The following PLCB4 variants were observed in gnomAD, a reference collection of about 807,000 sequenced individuals.
The protein encoded by PLCB4 is 1-phosphatidylinositol 4,5-bisphosphate phosphodiesterase beta-4.
A neutral mutation model predicts 178.8 loss-of-function variants in PLCB4; 77 were observed. The ratio of observed to expected loss-of-function variants is 0.43; its 90% CI spans 0.36 to 0.52. The LOEUF (loss-of-function observed/expected upper bound fraction) is 0.52, where lower values mean the gene tolerates loss of function less well. PLCB4 is among the 20% of genes least tolerant of loss of function. The pLI is 0.00. For synonymous variants in PLCB4, 496 were observed against 490.8 expected (o/e 1.01, Z -0.14); for missense variants, 1,024 against 1,453.4 (o/e 0.70, Z 4.80).
intron 2 of PLCB4, among the ~76,000 whole-genome samples, chr20:9,101,837 G>A (rs2091165914): frequency 6.7e-6 from 1 of 148,792 alleles, no homozygotes; most frequent in Non-Finnish European, 1.5e-5. Flanking sequence ...TGCCAGTTTT[G>A]TAAATCAGCT....
At chr20:9,106,791 T>C (rs967151507) in intron 2 of PLCB4, among the ~76,000 whole-genome samples, 4 of 152,106 alleles carry the variant, frequency 2.6e-5, no homozygotes, top group Non-Finnish European at 2.9e-5. Context: ...ATTTTAAATG[T>C]GCAAACCCTT....
intron 2 of PLCB4, among the ~76,000 whole-genome samples, chr20:9,100,134 A>G (rs2091085387): frequency 2.0e-5 from 3 of 152,256 alleles, no homozygotes; most frequent in South Asian, 4.2e-4. Flanking sequence ...TAGAGAGGCA[A>G]TGGTTTGGAA....
chr20:9,389,908 A>C lies in PLCB4; in HGVS notation c.1188A>C (p.Ala396=). Reference sequence around the variant, plus strand: ...TAATTCAAGCCATCAAGGAAACTGCATTTGTCACATCAGAATATCCTGTAA... The same window carrying C: ...TAATTCAAGCCATCAAGGAAACTGCCTTTGTCACATCAGAATATCCTGTAA... ...KDVIQAIKET[A]FVTSEYPVIL... is the part of the protein sequence containing the mutation. The change falls in exon 16 of 40, where the codon GCA becomes GCC. Residue 396 remains alanine, a synonymous_variant. Transcript: ENST00000378473. 6.3e-7 allele frequency: 1 copy of C among 1,586,596 alleles called. No homozygotes were observed. The highest frequency in any genetic ancestry group is 8.6e-7 in the Non-Finnish European group (1 of 1,157,848).
chr20:9,194,121 G>A (rs2093439175), intron 2 of PLCB4, among the ~76,000 whole-genome samples: 2 of 152,024 alleles, frequency 1.3e-5, no homozygotes, highest in Non-Finnish European at 2.9e-5. Context: ...GCCTTGAGTA[G>A]GATAGTGAAA....
intron 4 of PLCB4, among the ~76,000 whole-genome samples, chr20:9,309,057 T>A (rs569119028): frequency 6.6e-6 from 1 of 152,148 alleles, no homozygotes; most frequent in Non-Finnish European, 1.5e-5. Flanking sequence ...AGTAATATTT[T>A]TAAAATATAA....
At chr20:9,150,528 C>A (rs1017017778) in intron 2 of PLCB4, among the ~76,000 whole-genome samples, 2 of 152,136 alleles carry the variant, frequency 1.3e-5, no homozygotes, top group African/African-American at 2.4e-5. Flanking sequence ...TATTTAGCAT[C>A]AAATTTGGTA....
intron 35 of PLCB4, among the ~76,000 whole-genome samples, chr20:9,466,341 A>T (rs1456926272): frequency 2.0e-5 from 3 of 152,226 alleles, no homozygotes; most frequent in African/African-American, 7.2e-5. Flanking sequence ...CCTAGAAGAA[A>T]ACCTAGGCAA....
chr20:9,250,370 C>T (rs1294354539), intron 3 of PLCB4, among the ~76,000 whole-genome samples: 1 of 152,218 alleles, frequency 6.6e-6, no homozygotes, highest in African/African-American at 2.4e-5. Context: ...CACTTCTAAA[C>T]ACATGCAGCT....
At chr20:9,442,037 G>A (rs2042140652) in intron 30 of PLCB4, among the ~76,000 whole-genome samples, 1 of 152,132 alleles carries the variant, frequency 6.6e-6, no homozygotes, top group African/African-American at 2.4e-5. Flanking sequence ...AAAACTTTAT[G>A]TAGTGAAACT....
At chr20:9,218,373 G>A (rs2093757262) in intron 3 of PLCB4, among the ~76,000 whole-genome samples, 1 of 152,082 alleles carries the variant, frequency 6.6e-6, no homozygotes, top group African/African-American at 2.4e-5. Context: ...CCAAAGTGCT[G>A]GAATTACAGG....
intron 14 of PLCB4, among the ~76,000 whole-genome samples, chr20:9,385,356 C>A (rs56055815): frequency 0.057 from 8,725 of 152,108 alleles, 273 homozygotes; most frequent in Middle Eastern, 0.068. Flanking sequence ...CCAGATGGGG[C>A]GGCCTGGCAG....
intron 38 of PLCB4, among the ~76,000 whole-genome samples, chr20:9,474,502 AATTTAG>A (rs2122697485): frequency 6.6e-6 from 1 of 152,284 alleles, no homozygotes; most frequent in South Asian, 2.1e-4. Context: ...TAGGTAATTC[AATTTAG>A]AAACGGAGAG....
At chr20:9,260,959 C>A (rs2094291233) in intron 3 of PLCB4, among the ~76,000 whole-genome samples, 1 of 152,076 alleles carries the variant, frequency 6.6e-6, no homozygotes, top group Admixed American at 6.5e-5. Flanking sequence ...AGTATTAAAG[C>A]CATTATTTTT....
Position 9,478,979 on chromosome 20 carries a change from C to T in PLCB4, c.3591C>T (p.Asn1197=), listed in dbSNP as rs1176712700. 1.2e-6 allele frequency: 2 copies of T among 1,613,452 alleles called. No individual in the cohort carries two copies. The highest frequency in any genetic ancestry group is 1.7e-5 in the Admixed American group (1 of 59,960). ...GCCGAGATGGACCGCAGACCAGCAACAGTAGTATGAAACTCCAAAATGCAA... is the reference window on the plus strand; with the variant it reads ...GCCGAGATGGACCGCAGACCAGCAATAGTAGTATGAAACTCCAAAATGCAA... The part of the protein sequence containing the change: ...IGSRDGPQTS[N]SSMKLQNAN Residue 1197 remains asparagine, a synonymous_variant, in exon 40 of 40, where the codon AAC becomes AAT. Coordinates refer to ENST00000378473, the MANE Select transcript of PLCB4 (RefSeq NM_001377142.1).
At chr20:9,087,659 T>C (rs771003780) in intron 1 of PLCB4, among the ~76,000 whole-genome samples, 2 of 152,204 alleles carry the variant, frequency 1.3e-5, no homozygotes, top group Non-Finnish European at 2.9e-5. Context: ...CTCCTACACA[T>C]TATCTGGCTC....
intron 28 of PLCB4, among the ~76,000 whole-genome samples, chr20:9,432,673 T>C (rs906078362): frequency 5.9e-5 from 9 of 152,308 alleles, no homozygotes; most frequent in African/African-American, 2.2e-4. Flanking sequence ...AAAGTCTAGG[T>C]TGGTCAAATT....
intron 10 of PLCB4, among the ~76,000 whole-genome samples, chr20:9,371,621 G>C (rs922413006): frequency 1.3e-5 from 2 of 152,156 alleles, no homozygotes; most frequent in African/African-American, 4.8e-5. Context: ...GTGTTACACA[G>C]TTTTTATTTT....
At chr20:9,258,490 G>A (rs757352036) in intron 3 of PLCB4, among the ~76,000 whole-genome samples, 3 of 152,062 alleles carry the variant, frequency 2.0e-5, no homozygotes, top group Admixed American at 6.6e-5. Flanking sequence ...GCCGAGGTGG[G>A]TGGATCATGA....
In PLCB4 at chr20:9,134,140, A is replaced by T. The variant is rs563334079; in HGVS notation, c.-79+37798A>T. Among the ~76,000 whole-genome samples, 7 of 152,278 alleles carry T rather than the reference A, an allele frequency of 4.6e-5. No homozygotes were observed. In the South Asian group the frequency reaches 6.2e-4, roughly 14 times the overall value. On this transcript the variant is annotated intron_variant, in intron 2 of 39. Transcript: ENST00000378473. The stretch of plus-strand genomic sequence containing the variant: ...TCATCTGGGTTCCTCAAAAAATACC[A>T]TTGTTGGTGTCCAGCCCCAAGAGCT...
Sources: gnomAD v4.1 joint callset for allele counts (sites outside exome capture counted in the v4.1 genomes callset) on GRCh38, gnomAD v4.1.1 for gene constraint, MANE v1.5 for transcripts, NCBI Gene and HGNC (gene_info 2026-07-23, HGNC 2026-07-21) for gene names.